The following TYW1B variants were observed in gnomAD, a reference collection of about 807,000 sequenced individuals.
TYW1B encodes the protein S-adenosyl-L-methionine-dependent tRNA 4-demethylwyosine synthase TYW1B.
A neutral mutation model predicts 86.9 loss-of-function variants in TYW1B; 73 were observed. That is an observed-to-expected ratio of 0.84 (90% CI 0.70 to 1.02). TYW1B has a LOEUF of 1.02. TYW1B is among the 50% of genes least tolerant of loss of function. The pLI is 0.00. For missense variants in TYW1B, 637 were observed against 827.4 expected (o/e 0.77, Z 2.82); for synonymous variants, 248 against 292.8 (o/e 0.85, Z 1.56).
intron 7 of TYW1B, among the ~76,000 whole-genome samples, chr7:72,757,627 G>A (rs1318434305): frequency 1.3e-5 from 2 of 152,238 alleles, no homozygotes; most frequent in East Asian, 3.9e-4. Flanking sequence ...GATGGAGAAA[G>A]GAAAGTATGA....
Position 72,693,451 on chromosome 7 carries a change from C to T in TYW1B, c.1506+1236G>A, listed in dbSNP as rs547707017. On this transcript the variant is annotated intron_variant, in intron 11 of 13. Coordinates refer to ENST00000620995, the MANE Select transcript of TYW1B (RefSeq NM_001145440.3). ...TTTAGATAGGGGTCTCACTGTCACC[C>T]ACACTGGAGTGCAGTGGCGCAATCT... Among the ~76,000 whole-genome samples the T allele has an allele frequency of 1.1e-4, 16 of 150,938 alleles. No homozygotes were observed. The South Asian group carries it at 3.4e-3, about 32-fold the overall frequency.
chr7:72,653,652 T>C (rs539700257), intron 11 of TYW1B, among the ~76,000 whole-genome samples: 20 of 151,958 alleles, frequency 1.3e-4, no homozygotes, highest in Admixed American at 1.0e-3. Context: ...TGGGATTTAT[T>C]CCAGGTATGC....
rs1443409014 is a variant in TYW1B, at chr7:72,815,267, G to C, written c.237+113C>G. Reference sequence around the variant, plus strand: ...GAATTCAACTAACTGAAATCCCTTAGCACGAAAATTAAATTTATTCTGAAG... The same window carrying C: ...GAATTCAACTAACTGAAATCCCTTACCACGAAAATTAAATTTATTCTGAAG... On this transcript the variant is annotated intron_variant, in intron 3 of 13. Coordinates refer to ENST00000620995, the MANE Select transcript of TYW1B (RefSeq NM_001145440.3). 4 of 980,662 alleles carry C rather than the reference G, an allele frequency of 4.1e-6. No homozygotes were observed. The African/African-American group carries it at 6.7e-5, about 17-fold the overall frequency. The allele number at this position is 980,662 out of a possible 1,614,324, so 60.7% of individuals were successfully genotyped here.
intron 13 of TYW1B, among the ~76,000 whole-genome samples, chr7:72,597,718 C>A (rs868981539): frequency 1.3e-5 from 2 of 152,004 alleles, no homozygotes; most frequent in Admixed American, 6.6e-5. Flanking sequence ...GTAACTTTTG[C>A]CAAAATTTTG....
At chr7:72,682,007 A>G (rs1380517848) in intron 11 of TYW1B, among the ~76,000 whole-genome samples, 12 of 151,860 alleles carry the variant, frequency 7.9e-5, no homozygotes, top group Admixed American at 1.3e-4. Flanking sequence ...CCTCCCGAGT[A>G]GCTGGGATTA....
chr7:72,798,178 C>G (rs1788342133), intron 6 of TYW1B, among the ~76,000 whole-genome samples: 1 of 151,968 alleles, frequency 6.6e-6, no homozygotes, highest in Non-Finnish European at 1.5e-5. Context: ...CCGAGGCGGG[C>G]AGATCACGAG....
chr7:72,637,089 ACTCC>A (rs1554440858), intron 11 of TYW1B, among the ~76,000 whole-genome samples: 1 of 152,022 alleles, frequency 6.6e-6, no homozygotes, highest in Non-Finnish European at 1.5e-5. Context: ...ACGCCATCGC[ACTCC>A]AGCCTGGGCA....
intron 7 of TYW1B, among the ~76,000 whole-genome samples, chr7:72,775,597 C>CA (rs1463168755): frequency 1.3e-5 from 2 of 151,944 alleles, no homozygotes. Context: ...CTTGAAGACA[C>CA]AGTGATAGAA....
At chr7:72,754,093 T>A (rs1440935912) in intron 7 of TYW1B, among the ~76,000 whole-genome samples, 3 of 152,160 alleles carry the variant, frequency 2.0e-5, no homozygotes, top group African/African-American at 7.2e-5. Context: ...GATATTCTTG[T>A]AAAAAAATAA....
intron 1 of TYW1B, 46 bp from the exon 2 acceptor site, chr7:72,827,031 T>C (rs1554481571): frequency 1.9e-6 from 3 of 1,556,752 alleles, no homozygotes; most frequent in Middle Eastern, 1.7e-4. Context: ...TAAAGCTACA[T>C]ATACAAAGAT....
intron 1 of TYW1B, 127 bp downstream of exon 1, chr7:72,827,945 C>A (rs1788969746): frequency 1.3e-6 from 2 of 1,534,238 alleles, no homozygotes; most frequent in African/African-American, 2.7e-5. Flanking sequence ...GGCGGCTAGC[C>A]GGTGCTGTCA....
intron 13 of TYW1B, 81 bp from the exon 14 acceptor site, chr7:72,575,800 A>C: frequency 6.4e-7 from 1 of 1,560,534 alleles, no homozygotes; most frequent in South Asian, 1.2e-5. Flanking sequence ...AATCATGAAC[A>C]AGTCTGATCT....
chr7:72,774,566 CA>C (rs1298651836), intron 7 of TYW1B, among the ~76,000 whole-genome samples: 1 of 151,598 alleles, frequency 6.6e-6, no homozygotes, highest in Non-Finnish European at 1.5e-5. Flanking sequence ...ACTAAAAATA[CA>C]AAAAATTAGC....
intron 12 of TYW1B, among the ~76,000 whole-genome samples, chr7:72,618,070 C>T (rs531346389): frequency 2.0e-5 from 3 of 151,948 alleles, no homozygotes; most frequent in East Asian, 3.9e-4. Flanking sequence ...GAAATGATTC[C>T]GCTAAGTGGG....
chr7:72,743,345 T>A (rs1554462817), intron 8 of TYW1B, among the ~76,000 whole-genome samples: 1 of 152,140 alleles, frequency 6.6e-6, no homozygotes, highest in Non-Finnish European at 1.5e-5. Context: ...GACTGGTATC[T>A]CTGAATCCAA....
chr7:72,713,327 C>CAAAAAAAAAAAAAAAAAAAAAA (rs1786714583), intron 10 of TYW1B, among the ~76,000 whole-genome samples: 1 of 120,974 alleles, frequency 8.3e-6, no homozygotes. Context: ...AAAAAAAAAT[C>CAAAAAAAAAAAAAAAAAAAAAA]AAATGACAGC....
intron 10 of TYW1B, among the ~76,000 whole-genome samples, chr7:72,703,769 C>A (rs1448643171): frequency 2.6e-5 from 4 of 151,086 alleles, no homozygotes; most frequent in African/African-American, 9.7e-5. Flanking sequence ...GTGGGAGAAT[C>A]ACTTGAATTC....
At chr7:72,679,228 C>G (rs1355202600) in intron 11 of TYW1B, among the ~76,000 whole-genome samples, 4 of 152,178 alleles carry the variant, frequency 2.6e-5, no homozygotes, top group Admixed American at 2.0e-4. Flanking sequence ...AAAATCTAAT[C>G]AAGTTCAAGT....
chr7:72,704,713 A>AATGCCT lies in TYW1B; in HGVS notation c.1370+8907_1370+8908insAGGCAT, dbSNP rs1585916423. 2.0e-5 allele frequency among the ~76,000 whole-genome samples: 3 copies of AATGCCT among 152,044 alleles called. No homozygotes were observed. The East Asian group carries it at 5.8e-4, about 29-fold the overall frequency. On this transcript the variant is annotated intron_variant, in intron 10 of 13. Coordinates refer to ENST00000620995, the MANE Select transcript of TYW1B (RefSeq NM_001145440.3). ...CCGTGTTTCATGTCTTATCTCACAT[A>AATGCCT]CTCGCAATGCCACCATAAGGTAGTC...
Sources: allele counts gnomAD v4.1 joint callset (sites outside exome capture counted in the v4.1 genomes callset), GRCh38; gene constraint gnomAD v4.1.1; transcripts MANE v1.5; gene names NCBI Gene and HGNC (gene_info 2026-07-23, HGNC 2026-07-21).